EOGT: variants seen among roughly 807,000 people sequenced by gnomAD.
EOGT encodes the protein EGF domain specific O-linked N-acetylglucosamine transferase, also known as EGF domain-specific O-linked N-acetylglucosamine transferase.
EOGT carries 55 observed loss-of-function variants against 70.5 expected under a neutral mutation model. The observed-to-expected ratio is 0.78, with a 90% CI of 0.63 to 0.98. EOGT has a LOEUF of 0.98. Ranked by LOEUF, EOGT falls within the 50% of genes least tolerant of loss-of-function variation. The probability of loss-of-function intolerance (pLI) is 0.00; values close to 1 mark genes in which losing one functional copy is unlikely to be tolerated. For synonymous variants in EOGT, 246 were observed against 217.1 expected, an observed-to-expected ratio of 1.13 and a Z score of -1.17; for missense variants, 703 against 641.9, an observed-to-expected ratio of 1.10 and a Z score of -1.03.
chr3:68,987,385 A>C (rs79339018), intron 14 of EOGT, 60 bp downstream of exon 14: 9 of 1,274,672 alleles, frequency 7.1e-6, no homozygotes, highest in South Asian at 2.6e-5. Flanking sequence ...AAAAAAAAAA[A>C]ACACAATTTG....
intron 14 of EOGT, among the ~76,000 whole-genome samples, chr3:68,986,655 CCCAT>C (rs1456619882): frequency 3.3e-5 from 5 of 152,290 alleles, no homozygotes; most frequent in African/African-American, 1.2e-4. Flanking sequence ...AGTACAAACC[CCCAT>C]CCATCCACAT....
Position 68,976,460 on chromosome 3 carries a change from A to AT in EOGT, c.*1157dup, listed in dbSNP as rs1490874396. On this transcript the variant is annotated 3_prime_UTR_variant, in exon 18 of 18. Transcript: ENST00000383701. ...CAAGACAGTCCTACAGAATGTTCTA[A>AT]TTTGCTTTTATCACATGTAGTTGCT... 12 of 152,220 alleles carry AT rather than the reference A, an allele frequency of 7.9e-5. No individual in the cohort carries two copies. The highest frequency in any genetic ancestry group is 1.6e-4 in the Non-Finnish European group (11 of 68,042). The allele number at this position is 152,220 out of a possible 1,614,324, so 9.4% of individuals were successfully genotyped here. A position where few individuals can be genotyped will look rare whatever the true frequency, so the allele number is the denominator to read the frequency against.
Position 69,005,242 on chromosome 3 carries a change from T to C in EOGT, c.421-8A>G, listed in dbSNP as rs776243549. The C allele has an allele frequency of 1.2e-5, 18 of 1,528,688 alleles. No homozygotes were observed. The highest frequency in any genetic ancestry group is 1.7e-4 in the Middle Eastern group (1 of 5,896). 94.7% of individuals were successfully genotyped at this position (1,528,688 alleles called of 1,614,324 possible). On this transcript the variant is annotated splice_polypyrimidine_tract_variant and splice_region_variant and intron_variant, in intron 6 of 17. Transcript: ENST00000383701. ...CACCAGACTTGAGTCACTCTGAAGG[T>C]TGAGCAAAAGAAAAGAATGACTCTG...
At chr3:69,005,844 T>C (rs1236538532) in intron 6 of EOGT, among the ~76,000 whole-genome samples, 1 of 152,244 alleles carries the variant, frequency 6.6e-6, no homozygotes, top group Non-Finnish European at 1.5e-5. Flanking sequence ...AACTTTTATC[T>C]GCTCTGGGTT....
chr3:68,984,997 GT>G (rs1240757999), intron 14 of EOGT, among the ~76,000 whole-genome samples: 1 of 152,172 alleles, frequency 6.6e-6, no homozygotes, highest in African/African-American at 2.4e-5. Flanking sequence ...CCTTAGGCAT[GT>G]TTTTTAACCA....
rs148771018 is a variant in EOGT at position 69,011,763 on chromosome 3, T to A, written c.-15+173A>T. Among the ~76,000 whole-genome samples, 53 of 152,244 alleles carry A rather than the reference T, an allele frequency of 3.5e-4. No individual in the cohort carries two copies. In the East Asian group the frequency reaches 9.7e-3, roughly 28 times the overall value. ...TTGGAGTAGTTAAGTATTGTGGTTT[T>A]TCACTTTGGCGGCCCTCAAGAGTAT... On this transcript the variant is annotated intron_variant, in intron 3 of 17. Transcript: ENST00000383701.
intron 13 of EOGT, 136 bp downstream of exon 13, chr3:68,988,159 C>T (rs973577864): frequency 4.7e-6 from 3 of 642,438 alleles, no homozygotes; most frequent in East Asian, 2.8e-5. Flanking sequence ...AAGTGATCCA[C>T]CTGCCTTGGC....
chr3:68,987,415 A>G (rs765155300), intron 14 of EOGT, 30 bp downstream of exon 14: 1 of 1,429,932 alleles, frequency 7.0e-7, no homozygotes, highest in South Asian at 1.2e-5. Flanking sequence ...TTGAATATGA[A>G]GGCATTAAAA....
intron 6 of EOGT, 37 bp from the exon 7 acceptor site, chr3:69,005,271 A>G: frequency 1.7e-6 from 2 of 1,209,070 alleles, no homozygotes; most frequent in Non-Finnish European, 2.4e-6. Flanking sequence ...GACTCTGAGT[A>G]TTAACACAGC....
At chr3:68,979,597 G>T (rs1015226439) in intron 16 of EOGT, 71 bp downstream of exon 16, 35 of 1,506,128 alleles carry the variant, frequency 2.3e-5, no homozygotes, top group Admixed American at 5.9e-5. Flanking sequence ...TTGATGCTCA[G>T]AATGAAAGCT....
At chr3:69,010,037 C>T (rs1187397368) in intron 3 of EOGT, among the ~76,000 whole-genome samples, 177 bp from the exon 4 acceptor site, 1 of 151,560 alleles carries the variant, frequency 6.6e-6, no homozygotes, top group African/African-American at 2.4e-5. Flanking sequence ...TGAGCACTTG[C>T]TTGGTGCCAG....
chr3:69,008,849 T>C (rs2091501457), intron 4 of EOGT, among the ~76,000 whole-genome samples: 1 of 152,182 alleles, frequency 6.6e-6, no homozygotes, highest in South Asian at 2.1e-4. Context: ...AGCAAGCGGA[T>C]TCTAAAATCA....
Position 68,988,411 on chromosome 3 carries a change from A to G in EOGT, c.997-30T>C, listed in dbSNP as rs72922952. ...AATAAAAACACTGGTTCATATTACA[A>G]TGAATACTTCTGTATTATAATTTAA... is the stretch of plus-strand genomic sequence containing the variant. On this transcript the variant is annotated intron_variant, in intron 12 of 17. Coordinates refer to ENST00000383701, the MANE Select transcript of EOGT (RefSeq NM_001278689.2). 9.0e-3 allele frequency: 13,591 copies of G among 1,505,010 alleles called. 985 individuals carry two copies. In the African/African-American group the frequency reaches 0.16, roughly 18 times the overall value. 93.2% of individuals were successfully genotyped at this position (1,505,010 alleles called of 1,614,324 possible). A position where few individuals can be genotyped will look rare whatever the true frequency, so the allele number is the denominator to read the frequency against.
At chr3:68,986,554 C>T (rs1317143031) in intron 14 of EOGT, among the ~76,000 whole-genome samples, 4 of 152,184 alleles carry the variant, frequency 2.6e-5, no homozygotes, top group Admixed American at 6.5e-5. Context: ...ATACTGAAAG[C>T]TCAGTCCACT....
At chr3:68,977,879 AC>A in intron 17 of EOGT, 115 bp from the exon 18 acceptor site, 2 of 1,080,998 alleles carry the variant, frequency 1.9e-6, no homozygotes, top group Non-Finnish European at 2.6e-6. Flanking sequence ...TACATCAGAG[AC>A]CAGCAAACTT....
chr3:69,009,961 G>C (rs1053345070), intron 3 of EOGT, 101 bp from the exon 4 acceptor site: 1 of 779,032 alleles, frequency 1.3e-6, no homozygotes, highest in Non-Finnish European at 2.0e-6. Flanking sequence ...AAAGGGTCAA[G>C]GGCTAAGTAT....
chr3:69,005,333 T>C (rs2091413720), intron 6 of EOGT, 99 bp from the exon 7 acceptor site: 1 of 616,450 alleles, frequency 1.6e-6, no homozygotes, highest in Admixed American at 2.7e-5. Context: ...TACCCTCACA[T>C]TCAAACCACA....
chr3:68,986,182 G>A (rs375868178), intron 14 of EOGT, among the ~76,000 whole-genome samples: 6 of 152,300 alleles, frequency 3.9e-5, no homozygotes, highest in African/African-American at 1.4e-4. Context: ...GCCCATTTGT[G>A]ATTATACTGG....
chr3:69,006,146 G>T (rs1346770074), intron 6 of EOGT, among the ~76,000 whole-genome samples: 1 of 152,186 alleles, frequency 6.6e-6, no homozygotes, highest in African/African-American at 2.4e-5. Flanking sequence ...TTAATCAAAA[G>T]AACATTCTAC....
Sources: allele counts gnomAD v4.1 joint callset (sites outside exome capture counted in the v4.1 genomes callset), GRCh38; gene constraint gnomAD v4.1.1; transcripts MANE v1.5; gene names NCBI Gene and HGNC (gene_info 2026-07-23, HGNC 2026-07-21).